Variants in TBCD observed in about 807,000 individuals in gnomAD.
The protein encoded by TBCD is tubulin-specific chaperone D.
Under a neutral mutation model 169.3 loss-of-function variants are expected in TBCD, and 105 were observed. That is an observed-to-expected ratio of 0.62 (90% confidence interval 0.53 to 0.73). TBCD has a LOEUF of 0.73. Ranked by LOEUF, TBCD falls within the 30% of genes least tolerant of loss-of-function variation. The pLI is 0.00. For synonymous variants in TBCD, 700 were observed against 643.9 expected (o/e 1.09, Z -1.32); for missense variants, 1,444 against 1,600.1 (o/e 0.90, Z 1.66).
At chr17:82,871,872 C>T (rs967202413) in intron 14 of TBCD, among the ~76,000 whole-genome samples, 3 of 152,172 alleles carry the variant, frequency 2.0e-5, no homozygotes, top group Admixed American at 6.5e-5. Context: ...GGTTCCCTCA[C>T]GCACCCGGGT....
rs779456572 is a variant in TBCD at position 82,781,603 on chromosome 17, C to T, written c.653C>T (p.Pro218Leu). ...AVLVSRFITR[P>L]DVKQSKMAEF... ...CCTTTTGGCAGATTTATCACACGTC[C>T]TGATGTCAAGCAAAGCAAGATGGCT... The change falls in exon 7 of 39, where the codon CCT (proline) becomes CTT (leucine). Residue 218 changes from proline to leucine, a missense_variant. By Grantham distance (98) the Pro-to-Leu change is moderately conservative (BLOSUM62 -3). Coordinates refer to ENST00000355528, the MANE Select transcript of TBCD (RefSeq NM_005993.5). 6.2e-7 allele frequency: 1 copy of T among 1,613,710 alleles called. No individual in the cohort carries two copies. Among genetic ancestry groups the T allele is most frequent in the Non-Finnish European group, 8.5e-7 (1 of 1,179,854 alleles).
intron 13 of TBCD, among the ~76,000 whole-genome samples, chr17:82,834,059 C>T (rs952507633): frequency 3.3e-5 from 5 of 152,204 alleles, no homozygotes; most frequent in Non-Finnish European, 7.3e-5. Context: ...ATTCTCCTGC[C>T]TCAGCCTCCC....
intron 13 of TBCD, among the ~76,000 whole-genome samples, chr17:82,828,552 CCCCCCCCG>C: frequency 2.1e-4 from 1 of 4,710 alleles, no homozygotes; most frequent in Non-Finnish European, 4.5e-4. Flanking sequence ...ATGGAATGTG[CCCCCCCCG>C]ATTGCACACG....
At position 82,814,688 on chromosome 17, in the gene TBCD, T is replaced by C. The variant is rs3744162; in HGVS notation, c.1224-152T>C. Reference sequence around the variant, plus strand: ...GAGCCGCTGTGCCCAGCCTTGATACTTTAAAAACTTAGGAATGGGTTTTAG... The same window carrying C: ...GAGCCGCTGTGCCCAGCCTTGATACCTTAAAAACTTAGGAATGGGTTTTAG... On this transcript the variant is annotated intron_variant, in intron 12 of 38. Coordinates refer to ENST00000355528, the MANE Select transcript of TBCD (RefSeq NM_005993.5). Among the ~76,000 whole-genome samples the C allele has an allele frequency of 0.12, 18,350 of 152,246 alleles. 1,219 individuals carry two copies. The highest frequency in any genetic ancestry group is 0.27 in the South Asian group (1,303 of 4,826).
At chr17:82,772,934 G>A (rs2048379316) in intron 6 of TBCD, among the ~76,000 whole-genome samples, 1 of 152,204 alleles carries the variant, frequency 6.6e-6, no homozygotes, top group Non-Finnish European at 1.5e-5. Flanking sequence ...CCCCCCGTGT[G>A]CCCCAGACAG....
intron 13 of TBCD, among the ~76,000 whole-genome samples, chr17:82,852,119 C>G (rs1455137081): frequency 1.3e-5 from 2 of 151,954 alleles, no homozygotes; most frequent in East Asian, 3.9e-4. Flanking sequence ...CCCCACGCTC[C>G]TTCGCTGTCA....
At chr17:82,938,214 CTGT>C in intron 36 of TBCD, 78 bp downstream of exon 36, 2 of 1,464,518 alleles carry the variant, frequency 1.4e-6, no homozygotes, top group South Asian at 1.2e-5. Flanking sequence ...TTCGCTGGCA[CTGT>C]TGTGTTGGTG....
chr17:82,793,454 T>G (rs1157740328), intron 7 of TBCD, among the ~76,000 whole-genome samples: 1 of 152,210 alleles, frequency 6.6e-6, no homozygotes, highest in Non-Finnish European at 1.5e-5. Context: ...GGCCAGCAAA[T>G]GCACTGGACG....
At chr17:82,850,316 C>CTGTTGGCTGTGCTAT (rs2055650807) in intron 13 of TBCD, among the ~76,000 whole-genome samples, 1 of 80,044 alleles carries the variant, frequency 1.2e-5, no homozygotes, top group East Asian at 4.5e-4. Context: ...TGCTCTTCTG[C>CTGTTGGCTGTGCTAT]TGTTGGCTGT....
intron 32 of TBCD, chr17:82,929,824 G>A: frequency 2.1e-6 from 1 of 487,128 alleles, no homozygotes; most frequent in Non-Finnish European, 3.8e-6. Context: ...GGGTACCTGG[G>A]CTCCATCAGG....
chr17:82,845,636 C>T (rs918246669), intron 13 of TBCD, among the ~76,000 whole-genome samples: 2 of 152,066 alleles, frequency 1.3e-5, no homozygotes, highest in Middle Eastern at 3.2e-3. Context: ...CTTTCCTCTC[C>T]GTCCTGCCCA....
intron 37 of TBCD, among the ~76,000 whole-genome samples, chr17:82,940,217 G>GCACACACACACACACACACACA (rs576338657): frequency 8.9e-5 from 9 of 101,380 alleles, no homozygotes; most frequent in East Asian, 3.0e-4. Context: ...TCACTTGCAC[G>GCACACACACACACACACACACA]CGCGCACACA....
intron 28 of TBCD, 181 bp from the exon 29 acceptor site, chr17:82,927,005 C>T (rs913930385): frequency 2.0e-5 from 17 of 852,824 alleles, no homozygotes; most frequent in Admixed American, 1.2e-4. Context: ...AGCGTGACCT[C>T]GGGGAAGCAC....
chr17:82,794,907 G>A (rs564301748), intron 7 of TBCD, among the ~76,000 whole-genome samples: 3 of 152,288 alleles, frequency 2.0e-5, no homozygotes, highest in South Asian at 4.2e-4. Flanking sequence ...AAGACCCTTC[G>A]CCCTGTAAAT....
intron 17 of TBCD, among the ~76,000 whole-genome samples, chr17:82,898,970 C>T (rs905033037): frequency 6.6e-6 from 1 of 152,254 alleles, no homozygotes; most frequent in African/African-American, 2.4e-5. Flanking sequence ...CACTCCTTCC[C>T]CCCAGCCTGT....
rs771003321 is a variant in TBCD, at chr17:82,887,131, C to CTGTGTGTGTGTGTG, written c.1534-2512_1534-2499dup. Among the ~76,000 whole-genome samples, 366 of 123,356 alleles carry CTGTGTGTGTGTGTG rather than the reference C, an allele frequency of 3.0e-3. 2 individuals carry two copies. The highest frequency in any genetic ancestry group is 7.7e-3 in the African/African-American group (230 of 29,774). 80.9% of individuals were successfully genotyped at this position (123,356 alleles called of 152,430 possible). A position where few individuals can be genotyped will look rare whatever the true frequency, so the allele number is the denominator to read the frequency against. ...CTTCTTCCTTGGTTTTACCTGTACT[C>CTGTGTGTGTGTGTG]TGTGTGTGTGTGTGTGTGTGTGTGT... On this transcript the variant is annotated intron_variant, in intron 15 of 38. Coordinates refer to ENST00000355528, the MANE Select transcript of TBCD (RefSeq NM_005993.5).
intron 13 of TBCD, among the ~76,000 whole-genome samples, chr17:82,847,328 G>A (rs2055224932): frequency 6.9e-6 from 1 of 145,620 alleles, no homozygotes; most frequent in South Asian, 2.2e-4. Context: ...ATTCCAGCCT[G>A]GGCAACAGAG....
At chr17:82,897,442 C>T (rs754430430) in intron 17 of TBCD, among the ~76,000 whole-genome samples, 13 of 148,728 alleles carry the variant, frequency 8.7e-5, no homozygotes, top group South Asian at 6.4e-4. Flanking sequence ...CACTTGATCC[C>T]GGGAGGCGGA....
At chr17:82,848,001 C>T (rs114006886) in intron 13 of TBCD, among the ~76,000 whole-genome samples, 2,491 of 152,262 alleles carry the variant, frequency 0.016, 82 homozygotes, top group African/African-American at 0.056. Flanking sequence ...GCAAACGGCC[C>T]CTGTCTGTTG....
Sources: allele counts gnomAD v4.1 joint callset (sites outside exome capture counted in the v4.1 genomes callset), GRCh38; gene constraint gnomAD v4.1.1; transcripts MANE v1.5; gene names NCBI Gene and HGNC (gene_info 2026-07-23, HGNC 2026-07-21).